Variants in DOCK6 observed in about 807,000 individuals in gnomAD.
The protein encoded by DOCK6 is dedicator of cytokinesis protein 6.
A neutral mutation model predicts 230.3 loss-of-function variants in DOCK6; 167 were observed. The ratio of observed to expected loss-of-function variants is 0.73; its 90% CI spans 0.64 to 0.82. DOCK6 has a LOEUF of 0.82. Among genes scored for constraint, DOCK6 ranks in the 40% least tolerant of loss-of-function variants. The pLI, the probability that DOCK6 is intolerant of heterozygous loss-of-function variation, is 0.00. For missense variants in DOCK6, 2,598 were observed against 2,825.8 expected (o/e 0.92, Z 1.83); for synonymous variants, 1,148 against 1,185.0 (o/e 0.97, Z 0.64).
chr19:11,208,343 C>T (rs2079298481), intron 39 of DOCK6: 1 of 161,636 alleles, frequency 6.2e-6, no homozygotes, highest in Non-Finnish European at 1.3e-5. Context: ...TGCAGTGGCG[C>T]AATTCTGGCT....
intron 34 of DOCK6, 131 bp downstream of exon 34, chr19:11,214,144 C>G: frequency 7.4e-7 from 1 of 1,344,974 alleles, no homozygotes; most frequent in Non-Finnish European, 9.9e-7. Context: ...AGGTTGGTCT[C>G]AAACTCCTGG....
chr19:11,239,838 G>C, intron 14 of DOCK6: 1 of 1,601,526 alleles, frequency 6.2e-7, no homozygotes, highest in South Asian at 1.1e-5. Context: ...GGAACAGCCT[G>C]GGTCTCTATG....
In DOCK6 at chr19:11,216,757, G is replaced by C. The variant is rs996316363; in HGVS notation, c.3894+157C>G. Reference sequence around the variant, plus strand: ...AAAGGCACTTCTGACTTTATTCCTTGCCTCAGCACAGAAACAGTCCACCCC... The same window carrying C: ...AAAGGCACTTCTGACTTTATTCCTTCCCTCAGCACAGAAACAGTCCACCCC... On this transcript the variant is annotated intron_variant, in intron 30 of 47. Coordinates refer to ENST00000294618, the MANE Select transcript of DOCK6 (RefSeq NM_020812.4). 1.3e-5 allele frequency: 10 copies of C among 744,442 alleles called. No individual in the cohort carries two copies. In the African/African-American group the frequency reaches 1.6e-4, roughly 12 times the overall value. 46.1% of individuals were successfully genotyped at this position (744,442 alleles called of 1,614,324 possible).
intron 30 of DOCK6, 162 bp from the exon 31 acceptor site, chr19:11,216,089 AAT>A: frequency 5.9e-5 from 52 of 879,208 alleles, no homozygotes; most frequent in Non-Finnish European, 7.1e-5. Context: ...CCAAAAAAAA[AAT>A]TTTTTTTTTT....
chr19:11,199,626 C>G, intron 47 of DOCK6, 87 bp from the exon 48 acceptor site: 7 of 1,352,714 alleles, frequency 5.2e-6, no homozygotes, highest in Non-Finnish European at 7.2e-6. Context: ...CCTCCTCCTC[C>G]TCGTCTTCCT....
intron 1 of DOCK6, among the ~76,000 whole-genome samples, chr19:11,259,238 G>T (rs2080244592): frequency 6.6e-6 from 1 of 152,022 alleles, no homozygotes; most frequent in Non-Finnish European, 1.5e-5. Context: ...TTCTTGCAGA[G>T]ACAGGGTCTC....
chr19:11,242,576 G>C (rs1013710568), intron 13 of DOCK6, among the ~76,000 whole-genome samples: 1 of 151,746 alleles, frequency 6.6e-6, no homozygotes, highest in African/African-American at 2.4e-5. Context: ...ATTTTTAGTA[G>C]AGATGGAATT....
chr19:11,250,853 T>C (rs1259526261), intron 6 of DOCK6, 21 bp downstream of exon 6: 7 of 1,590,734 alleles, frequency 4.4e-6, no homozygotes, highest in Non-Finnish European at 5.2e-6. Flanking sequence ...GGTTGGCTGA[T>C]ATCTGGGAAG....
rs2079594045 is a variant in DOCK6 at position 11,222,333 on chromosome 19, A to G, written c.3241-85T>C. 1.3e-6 allele frequency: 2 copies of G among 1,497,698 alleles called. No homozygotes were observed. The highest frequency in any genetic ancestry group is 4.1e-5 in the Admixed American group (2 of 48,442). The allele number at this position is 1,497,698 out of a possible 1,614,324, so 92.8% of individuals were successfully genotyped here. ...CCATTAAAGCCATCTTGGAGGTGACAGAAATCATGGTGCCAATAGCCACAG... is the reference window on the plus strand; with the variant it reads ...CCATTAAAGCCATCTTGGAGGTGACGGAAATCATGGTGCCAATAGCCACAG... On this transcript the variant is annotated intron_variant, in intron 26 of 47. Transcript: ENST00000294618. This position sits in a 1 kb window ranked among gnomAD's most constrained non-coding sequence, Gnocchi z 4.0.
intron 34 of DOCK6, among the ~76,000 whole-genome samples, chr19:11,213,988 GCCCAGGCTGGTCTCGAACT>G (rs2079436834): frequency 6.6e-6 from 1 of 151,864 alleles, no homozygotes; most frequent in South Asian, 2.1e-4. Flanking sequence ...TCACCGTGTT[GCCCAGGCTGGTCTCGAACT>G]CCTAGGCTCA....
At position 11,226,331 on chromosome 19, in the gene DOCK6, A is replaced by C. The variant is rs184904449; in HGVS notation, c.2955+1006T>G. Among the ~76,000 whole-genome samples the C allele has an allele frequency of 5.1e-4, 78 of 152,300 alleles. 1 individual carries two copies. In the South Asian group the frequency reaches 9.5e-3, roughly 19 times the overall value. ...CATCAGTAAAATGGAGATAACAATA[A>C]TACTAACTTCATGGGTTGTTGTGAG... On this transcript the variant is annotated intron_variant, in intron 24 of 47. Coordinates refer to ENST00000294618, the MANE Select transcript of DOCK6 (RefSeq NM_020812.4).
intron 35 of DOCK6, 146 bp downstream of exon 35, chr19:11,213,030 C>T: frequency 9.0e-7 from 1 of 1,114,644 alleles, no homozygotes; most frequent in Non-Finnish European, 1.2e-6. Context: ...GCCACGGCAC[C>T]TGACCCCCAA....
At chr19:11,251,955 T>C (rs2080123272) in intron 5 of DOCK6, 164 bp downstream of exon 5, 1 of 1,018,492 alleles carries the variant, frequency 9.8e-7, no homozygotes, top group Non-Finnish European at 1.4e-6. Flanking sequence ...AAGCACTCAA[T>C]AAATGTTTAT....
In DOCK6 at chr19:11,223,653, A is replaced by T. The variant is rs139347491; in HGVS notation, c.2956-547T>A. Among the ~76,000 whole-genome samples, 767 of 152,062 alleles carry T rather than the reference A, an allele frequency of 5.0e-3. 4 individuals are homozygous for T. The highest frequency in any genetic ancestry group is 7.9e-3 in the Non-Finnish European group (538 of 67,996). ...ATTTTTATTTTAATTTTAATTAATT[A>T]ATTTATTTTTTGAGATGGAGTCTTG... is the stretch of plus-strand genomic sequence containing the variant. On this transcript the variant is annotated intron_variant, in intron 24 of 47. Transcript: ENST00000294618.
intron 22 of DOCK6, chr19:11,229,444 T>C: frequency 1.1e-6 from 1 of 896,284 alleles, no homozygotes; most frequent in Non-Finnish European, 1.3e-6. Context: ...GGTGAAGGGG[T>C]ATGTGGTTGG....
chr19:11,214,706 C>T, intron 32 of DOCK6, 57 bp from the exon 33 acceptor site: 1 of 1,525,894 alleles, frequency 6.6e-7, no homozygotes, highest in Non-Finnish European at 9.0e-7. Context: ...TACTCCATGG[C>T]TGAGCTCTCT....
intron 6 of DOCK6, among the ~76,000 whole-genome samples, chr19:11,248,679 G>A (rs1036045659): frequency 2.0e-5 from 3 of 152,146 alleles, no homozygotes; most frequent in African/African-American, 7.2e-5. Context: ...GACCGTGTGA[G>A]GGACAATTAC....
At chr19:11,255,943 C>T (rs1270987402) in intron 1 of DOCK6, among the ~76,000 whole-genome samples, 6 of 152,100 alleles carry the variant, frequency 3.9e-5, no homozygotes, top group Non-Finnish European at 8.8e-5. Context: ...CCCACCACTA[C>T]GCCCAGCTAA....
At position 11,251,147 on chromosome 19, in the gene DOCK6, G is replaced by T. The variant is rs2080112504; in HGVS notation, c.508-61C>A. On this transcript the variant is annotated intron_variant, in intron 5 of 47. Coordinates refer to ENST00000294618, the MANE Select transcript of DOCK6 (RefSeq NM_020812.4). ...CTGTATACACCTTCACCTCACTCTG[G>T]TGAGAGTGTCCTCATACTCATTCTA... 3 of 1,489,498 alleles carry T rather than the reference G, an allele frequency of 2.0e-6. No homozygotes were observed. In the East Asian group the frequency reaches 7.3e-5, roughly 36 times the overall value. 92.3% of individuals were successfully genotyped at this position (1,489,498 alleles called of 1,614,324 possible).
Sources: allele counts gnomAD v4.1 joint callset (sites outside exome capture counted in the v4.1 genomes callset), GRCh38; gene constraint gnomAD v4.1.1; non-coding constraint Gnocchi (gnomAD v3.1); transcripts MANE v1.5; gene names NCBI Gene and HGNC (gene_info 2026-07-23, HGNC 2026-07-21).